AGO2: variants seen among roughly 807,000 people sequenced by gnomAD.
AGO2 encodes protein argonaute-2.
A neutral mutation model predicts 102.3 loss-of-function variants in AGO2; 5 were observed. That is an observed-to-expected ratio of 0.05 (90% confidence interval 0.03 to 0.10). AGO2 has a LOEUF of 0.10. AGO2 is among the 10% of genes least tolerant of loss of function. The pLI is 1.00. For synonymous variants in AGO2, 449 were observed against 473.1 expected (o/e 0.95, Z 0.66); for missense variants, 541 against 1,183.7 (o/e 0.46, Z 7.97).
intron 2 of AGO2, among the ~76,000 whole-genome samples, chr8:140,579,927 C>T (rs577834826): frequency 4.5e-4 from 68 of 152,366 alleles, no homozygotes; most frequent in Non-Finnish European, 8.4e-4. Flanking sequence ...AGGGCCATCG[C>T]ATCTGCTGGT....
intron 2 of AGO2, among the ~76,000 whole-genome samples, chr8:140,574,318 C>T (rs1174822023): frequency 2.6e-5 from 4 of 152,126 alleles, no homozygotes; most frequent in Non-Finnish European, 5.9e-5. Flanking sequence ...CTGGAGTACA[C>T]TGGCATGATT....
At chr8:140,535,415 G>A in intron 17 of AGO2, 53 bp downstream of exon 17, 2 of 1,571,294 alleles carry the variant, frequency 1.3e-6, no homozygotes, top group Non-Finnish European at 1.8e-6. Flanking sequence ...CTGAATGTGG[G>A]GATGACACGG....
the AGO2 span, among the ~76,000 whole-genome samples, chr8:140,642,044 T>TA: frequency 4.5e-5 from 6 of 133,742 alleles, no homozygotes; most frequent in East Asian, 2.1e-4. Flanking sequence ...TCAAAAAGAC[T>TA]AAAAAAAAGA....
Position 140,594,712 on chromosome 8 carries a change from A to G in AGO2, c.23-9401T>C, listed in dbSNP as rs574923191. 4.6e-5 allele frequency among the ~76,000 whole-genome samples: 7 copies of G among 152,122 alleles called. No homozygotes were observed. In the East Asian group the frequency reaches 1.4e-3, roughly 29 times the overall value. On this transcript the variant is annotated intron_variant, in intron 1 of 18. Coordinates refer to ENST00000220592, the MANE Select transcript of AGO2 (RefSeq NM_012154.5). ...GTCCCAGCTACTCGGGGGTGCTGAGATGGGAGGATCACTTGAGCCTGGGGA... is the reference window on the plus strand; with the variant it reads ...GTCCCAGCTACTCGGGGGTGCTGAGGTGGGAGGATCACTTGAGCCTGGGGA...
At chr8:140,553,829 G>A (rs994889856) in intron 10 of AGO2, among the ~76,000 whole-genome samples, 1 of 152,184 alleles carries the variant, frequency 6.6e-6, no homozygotes, top group Non-Finnish European at 1.5e-5. Flanking sequence ...CTCCCGAGTA[G>A]CTGGGATTAC....
intron 11 of AGO2, 90 bp downstream of exon 11, chr8:140,551,213 C>T (rs2072987568): frequency 3.6e-6 from 5 of 1,385,100 alleles, no homozygotes; most frequent in Admixed American, 2.6e-5. Context: ...CTCACCCCCA[C>T]CCCAACCAGA....
chr8:140,548,018 G>A (rs933377882), intron 12 of AGO2, among the ~76,000 whole-genome samples: 5 of 152,198 alleles, frequency 3.3e-5, no homozygotes, highest in Non-Finnish European at 5.9e-5. Flanking sequence ...CCCTGCTTAG[G>A]AAGGCCACTT....
chr8:140,623,409 T>C (rs1442121876), intron 1 of AGO2, among the ~76,000 whole-genome samples: 3 of 152,244 alleles, frequency 2.0e-5, no homozygotes, highest in South Asian at 4.1e-4. Flanking sequence ...GAATTGTTCA[T>C]CTTACAATGG....
upstream of AGO2, chr8:140,636,409 G>A (rs1256522701): frequency 3.3e-5 from 5 of 152,212 alleles, no homozygotes; most frequent in Non-Finnish European, 7.3e-5. Flanking sequence ...GGTCCGTCTG[G>A]TTTTCGGAGG....
chr8:140,573,305 G>A (rs1164857276), intron 2 of AGO2, among the ~76,000 whole-genome samples: 1 of 151,824 alleles, frequency 6.6e-6, no homozygotes, highest in Non-Finnish European at 1.5e-5. Flanking sequence ...AAGTAGCTAG[G>A]ATTACAGGTG....
the AGO2 span, among the ~76,000 whole-genome samples, chr8:140,641,419 T>C: frequency 6.6e-6 from 1 of 152,134 alleles, no homozygotes; most frequent in African/African-American, 2.4e-5. Context: ...TGTAAACAAG[T>C]GTCAATTTTT....
At chr8:140,587,065 C>T (rs183162545) in intron 1 of AGO2, among the ~76,000 whole-genome samples, 1 of 152,162 alleles carries the variant, frequency 6.6e-6, no homozygotes, top group African/African-American at 2.4e-5. Flanking sequence ...CCAAACCAGG[C>T]CCCTCCACCG....
Position 140,572,798 on chromosome 8 carries a change from C to G in AGO2, c.336+14G>C. Reference sequence around the variant, plus strand: ...CCGTATGTTACTCCACCAAGGGCATCCCGGCGAGCTTACCTTGTCCCTCCC... The same window carrying G: ...CCGTATGTTACTCCACCAAGGGCATGCCGGCGAGCTTACCTTGTCCCTCCC... On this transcript the variant is annotated intron_variant, in intron 3 of 18. Transcript: ENST00000220592. The G allele has an allele frequency of 6.2e-7, 1 of 1,607,800 alleles. No homozygotes were observed. The highest frequency in any genetic ancestry group is 8.5e-7 in the Non-Finnish European group (1 of 1,177,848).
rs775325374 is a variant in AGO2 at position 140,589,302 on chromosome 8, T to C, written c.23-3991A>G. Among the ~76,000 whole-genome samples, 1 of 152,052 alleles carries C rather than the reference T, an allele frequency of 6.6e-6. No homozygotes were observed. Among genetic ancestry groups the C allele is most frequent in the Non-Finnish European group, 1.5e-5 (1 of 67,978 alleles). On this transcript the variant is annotated intron_variant, in intron 1 of 18. Coordinates refer to ENST00000220592, the MANE Select transcript of AGO2 (RefSeq NM_012154.5). The surrounding 1 kb of genome is among the most constrained non-coding windows in gnomAD (Gnocchi z 4.2). ...GAGCAGCTGCAGAAATTCAGAGTCA[T>C]TAAATAAATGAATAGCCCAGCTCTT...
At chr8:140,574,225 G>C (rs886916566) in intron 2 of AGO2, among the ~76,000 whole-genome samples, 1 of 150,634 alleles carries the variant, frequency 6.6e-6, no homozygotes, top group African/African-American at 2.4e-5. Context: ...TTCCAAAGAG[G>C]TACCAGCTTG....
chr8:140,602,186 A>G (rs1243839089), intron 1 of AGO2, among the ~76,000 whole-genome samples: 1 of 152,226 alleles, frequency 6.6e-6, no homozygotes, highest in East Asian at 1.9e-4. Flanking sequence ...TTAACAGAGT[A>G]GAATAGATGT....
chr8:140,569,921 G>A (rs760354213), intron 3 of AGO2, among the ~76,000 whole-genome samples: 6 of 152,156 alleles, frequency 3.9e-5, no homozygotes, highest in Non-Finnish European at 5.9e-5. Flanking sequence ...GAGTCCCCAC[G>A]AGCCTCCAGG....
At position 140,528,776 on chromosome 8, in the gene AGO2, A is replaced by G. The variant is rs1293522687; in HGVS notation, c.*3268T>C. The G allele has an allele frequency of 6.6e-6, 1 of 152,234 alleles. No individual in the cohort carries two copies. The highest frequency in any genetic ancestry group is 1.9e-4 in the East Asian group (1 of 5,190). 9.4% of individuals were successfully genotyped at this position (152,234 alleles called of 1,614,324 possible). A position where few individuals can be genotyped will look rare whatever the true frequency, so the allele number is the denominator to read the frequency against. On this transcript the variant is annotated 3_prime_UTR_variant, in exon 19 of 19. Transcript: ENST00000220592. The surrounding 1 kb of genome is among the most constrained non-coding windows in gnomAD (Gnocchi z 4.5). The stretch of plus-strand genomic sequence containing the variant: ...CAGTTTTACAAAATTTATCCAAACC[A>G]GGAAAATCTGAGCTTAGGACACACA...
At chr8:140,584,195 T>C (rs1282369139) in intron 2 of AGO2, among the ~76,000 whole-genome samples, 1 of 143,422 alleles carries the variant, frequency 7.0e-6, no homozygotes, top group African/African-American at 2.6e-5. Context: ...GGAAATAATA[T>C]ATCACTTAAT....
Sources: allele counts gnomAD v4.1 joint callset (sites outside exome capture counted in the v4.1 genomes callset), GRCh38; gene constraint gnomAD v4.1.1; non-coding constraint Gnocchi (gnomAD v3.1); transcripts MANE v1.5; gene names NCBI Gene and HGNC (gene_info 2026-07-23, HGNC 2026-07-21).